Variants in PIEZO2 observed in about 807,000 individuals in gnomAD.
The protein encoded by PIEZO2 is piezo type mechanosensitive ion channel component 2.
PIEZO2 carries 172 observed loss-of-function variants against 337.3 expected under a neutral mutation model. The observed-to-expected ratio is 0.51, with a 90% CI of 0.45 to 0.58. PIEZO2 has a LOEUF of 0.58. Among genes scored for constraint, PIEZO2 ranks in the 20% least tolerant of loss-of-function variants. PIEZO2 has a pLI of 0.00. For missense variants in PIEZO2, 3,028 were observed against 3,391.3 expected, an observed-to-expected ratio of 0.89 and a Z score of 2.66; for synonymous variants, 1,251 against 1,228.5, an observed-to-expected ratio of 1.02 and a Z score of -0.38.
chr18:10,935,814 G>A (rs1722786561), intron 3 of PIEZO2, among the ~76,000 whole-genome samples: 1 of 152,288 alleles, frequency 6.6e-6, no homozygotes, highest in Admixed American at 6.5e-5. Flanking sequence ...TGCCTCGCCA[G>A]CAGCAACGCT....
At chr18:10,774,532 C>G (rs1443531936) in intron 18 of PIEZO2, among the ~76,000 whole-genome samples, 1 of 152,074 alleles carries the variant, frequency 6.6e-6, no homozygotes, top group Non-Finnish European at 1.5e-5. Context: ...TGCGAACTGT[C>G]GATTGGCAAC....
chr18:10,859,368 C>T lies in PIEZO2; in HGVS notation c.493-2157G>A, dbSNP rs1214479031. ...GCTTTCTACTGCTCCCAGAGAGGAGCTGCCAGCTCCAGCCAGTACATCAGA... is the reference window on the plus strand; with the variant it reads ...GCTTTCTACTGCTCCCAGAGAGGAGTTGCCAGCTCCAGCCAGTACATCAGA... On this transcript the variant is annotated intron_variant, in intron 5 of 55. Coordinates refer to ENST00000674853, the MANE Select transcript of PIEZO2 (RefSeq NM_001378183.1). The surrounding 1 kb of genome is among the most constrained non-coding windows in gnomAD (Gnocchi z 4.9). Among the ~76,000 whole-genome samples, 1 of 152,206 alleles carries T rather than the reference C, an allele frequency of 6.6e-6. No homozygotes were observed. Among genetic ancestry groups the T allele is most frequent in the Non-Finnish European group, 1.5e-5 (1 of 68,022 alleles).
At position 10,824,020 on chromosome 18, in the gene PIEZO2, A is replaced by T. The variant is rs1485778; in HGVS notation, c.918-16746T>A. 1.3e-5 allele frequency among the ~76,000 whole-genome samples: 2 copies of T among 152,138 alleles called. No individual in the cohort carries two copies. Among genetic ancestry groups the T allele is most frequent in the Admixed American group, 1.3e-4 (2 of 15,272 alleles). On this transcript the variant is annotated intron_variant, in intron 7 of 55. Coordinates refer to ENST00000674853, the MANE Select transcript of PIEZO2 (RefSeq NM_001378183.1). The surrounding 1 kb of genome is among the most constrained non-coding windows in gnomAD (Gnocchi z 4.4). Reference sequence around the variant, plus strand: ...TCAAGCCTTATCCTAAGGTCAGTGTATATCATTCCCATGAATATTTAACTC... The same window carrying T: ...TCAAGCCTTATCCTAAGGTCAGTGTTTATCATTCCCATGAATATTTAACTC...
rs2039191711 is a variant in PIEZO2, at chr18:11,094,158, T to C, written c.65-27936A>G. 6.6e-6 allele frequency among the ~76,000 whole-genome samples: 1 copy of C among 152,122 alleles called. No individual in the cohort carries two copies. The highest frequency in any genetic ancestry group is 6.6e-5 in the Admixed American group (1 of 15,266). ...CACGCCCAGCTAATTTTTCTATTTT[T>C]AATAGAGACCAGGTTTCATCATGTT... On this transcript the variant is annotated intron_variant, in intron 1 of 55. Transcript: ENST00000674853. The surrounding 1 kb of genome is among the most constrained non-coding windows in gnomAD (Gnocchi z 4.4).
At chr18:10,705,794 C>G in intron 40 of PIEZO2, 48 bp from the exon 41 acceptor site, 1 of 1,460,836 alleles carries the variant, frequency 6.8e-7, no homozygotes, top group East Asian at 2.5e-5. Context: ...AGCATCCACA[C>G]TCCTGGGGTT....
intron 47 of PIEZO2, among the ~76,000 whole-genome samples, chr18:10,693,201 A>G (rs192207443): frequency 1.3e-5 from 2 of 152,212 alleles, no homozygotes; most frequent in Non-Finnish European, 2.9e-5. Flanking sequence ...CTTGCATATA[A>G]AAATACAATT....
intron 21 of PIEZO2, chr18:10,769,946 G>A (rs533463546): frequency 2.1e-5 from 11 of 522,028 alleles, no homozygotes; most frequent in East Asian, 1.9e-4. Context: ...CCAAGCCAAC[G>A]AGAAACTCAG....
In PIEZO2 at chr18:11,127,711, G is replaced by GTA. The variant is rs556633347; in HGVS notation, c.64+20812_64+20813dup. Reference sequence around the variant, plus strand: ...ATATATATATACATATATATGTCATGTATATATATACACACATATATATGT... The same window carrying GTA: ...ATATATATATACATATATATGTCATGTATATATATATACACACATATATATGT... On this transcript the variant is annotated intron_variant, in intron 1 of 55. Transcript: ENST00000674853. This position sits in a 1 kb window ranked among gnomAD's most constrained non-coding sequence, Gnocchi z 4.5. Among the ~76,000 whole-genome samples the GTA allele has an allele frequency of 1.9e-4, 28 of 150,504 alleles. No homozygotes were observed. The highest frequency in any genetic ancestry group is 3.5e-3 in the Middle Eastern group (1 of 284).
chr18:10,764,870 G>A (rs989274889), intron 21 of PIEZO2, among the ~76,000 whole-genome samples: 5 of 152,258 alleles, frequency 3.3e-5, no homozygotes, highest in East Asian at 1.9e-4. Flanking sequence ...ATAGATTAGC[G>A]AATTGACTCT....
intron 26 of PIEZO2, among the ~76,000 whole-genome samples, chr18:10,758,527 GC>G: frequency 6.6e-6 from 1 of 152,100 alleles, no homozygotes; most frequent in South Asian, 2.1e-4. Flanking sequence ...CTCACTGCAA[GC>G]CCCACCTCCT....
intron 1 of PIEZO2, among the ~76,000 whole-genome samples, chr18:11,123,316 G>A (rs2040081816): frequency 6.6e-6 from 1 of 152,168 alleles, no homozygotes; most frequent in South Asian, 2.1e-4. Flanking sequence ...AAATAGGGCA[G>A]GTAAAGTAGA....
At position 11,002,966 on chromosome 18, in the gene PIEZO2, G is replaced by A. The variant is rs1431865036; in HGVS notation, c.161-23306C>T. 1.3e-5 allele frequency among the ~76,000 whole-genome samples: 2 copies of A among 152,198 alleles called. No homozygotes were observed. Among genetic ancestry groups the A allele is most frequent in the African/African-American group, 4.8e-5 (2 of 41,426 alleles). On this transcript the variant is annotated intron_variant, in intron 2 of 55. Coordinates refer to ENST00000674853, the MANE Select transcript of PIEZO2 (RefSeq NM_001378183.1). This position sits in a 1 kb window ranked among gnomAD's most constrained non-coding sequence, Gnocchi z 4.3. The stretch of plus-strand genomic sequence containing the variant: ...ATTAACCAGTGCCACTCAAACAGAG[G>A]AAGTGAGGCAAGAGGCGCTCCTGCT...
rs548984960 is a variant in PIEZO2, at chr18:10,808,439, C to A, written c.918-1165G>T. Among the ~76,000 whole-genome samples, 63 of 152,276 alleles carry A rather than the reference C, an allele frequency of 4.1e-4. 1 individual carries two copies. In the South Asian group the frequency reaches 0.012, roughly 30 times the overall value. On this transcript the variant is annotated intron_variant, in intron 7 of 55. Transcript: ENST00000674853. ...TTTCCTTTCATTTTTATCTTACATT[C>A]TTCAGTTATAGAATCTTCAAAGGCT...
In PIEZO2 at chr18:10,947,750, A is replaced by G. The variant is rs996210231; in HGVS notation, c.286+31785T>C. On this transcript the variant is annotated intron_variant, in intron 3 of 55. Coordinates refer to ENST00000674853, the MANE Select transcript of PIEZO2 (RefSeq NM_001378183.1). The stretch of plus-strand genomic sequence containing the variant: ...ATCTCTTTGAAAGATGAATGTTCAA[A>G]CAAATATGATAACAATATATTATGG... 4.6e-5 allele frequency among the ~76,000 whole-genome samples: 7 copies of G among 152,336 alleles called. No individual in the cohort carries two copies. In the East Asian group the frequency reaches 1.2e-3, roughly 25 times the overall value.
Position 10,715,836 on chromosome 18 carries a change from C to G in PIEZO2, c.5090-20G>C, listed in dbSNP as rs765922819. On this transcript the variant is annotated intron_variant, in intron 37 of 55. Transcript: ENST00000674853. ...TATTATCTAGGAGGAAGAAAGGCAA[C>G]AAGATGTTAAAGGAACAAAATACCA... 3.3e-6 allele frequency: 5 copies of G among 1,494,932 alleles called. No individual in the cohort carries two copies. The highest frequency in any genetic ancestry group is 4.5e-6 in the Non-Finnish European group (5 of 1,118,216). 92.6% of individuals were successfully genotyped at this position (1,494,932 alleles called of 1,614,324 possible). A position where few individuals can be genotyped will look rare whatever the true frequency, so the allele number is the denominator to read the frequency against.
At chr18:10,851,529 T>A (rs768441767) in intron 7 of PIEZO2, among the ~76,000 whole-genome samples, 6 of 152,200 alleles carry the variant, frequency 3.9e-5, no homozygotes, top group Non-Finnish European at 7.4e-5. Flanking sequence ...AGAGCAAATA[T>A]GATGTTATTA....
At chr18:10,763,741 A>G (rs2038235592) in intron 21 of PIEZO2, among the ~76,000 whole-genome samples, 1 of 152,182 alleles carries the variant, frequency 6.6e-6, no homozygotes, top group South Asian at 2.1e-4. Flanking sequence ...CTTCCTATTG[A>G]GATAAATGTA....
chr18:10,882,592 A>T lies in PIEZO2; in HGVS notation c.330-11177T>A, dbSNP rs140669763. ...TTTTTATGCAAAGGTTTTCATTTAA[A>T]ACATTTTTTCCCATCATCTCCTCCT... is the stretch of plus-strand genomic sequence containing the variant. On this transcript the variant is annotated intron_variant, in intron 4 of 55. Transcript: ENST00000674853. Among the ~76,000 whole-genome samples, 124 of 152,196 alleles carry T rather than the reference A, an allele frequency of 8.1e-4. No individual in the cohort carries two copies. In the East Asian group the frequency reaches 0.016, roughly 19 times the overall value.
chr18:10,977,095 A>G (rs541842873), intron 3 of PIEZO2, among the ~76,000 whole-genome samples: 2 of 152,072 alleles, frequency 1.3e-5, no homozygotes, highest in African/African-American at 4.8e-5. Context: ...AACTACAGTT[A>G]TAAATGCAGA....
Sources: gnomAD v4.1 joint callset for allele counts (sites outside exome capture counted in the v4.1 genomes callset) on GRCh38, gnomAD v4.1.1 for gene constraint, Gnocchi (gnomAD v3.1) non-coding constraint, MANE v1.5 for transcripts, NCBI Gene and HGNC (gene_info 2026-07-23, HGNC 2026-07-21) for gene names.